The following SGCZ variants were observed in gnomAD, a reference collection of about 807,000 sequenced individuals.
SGCZ encodes the protein zeta-sarcoglycan.
SGCZ carries 40 observed loss-of-function variants against 41.3 expected under a neutral mutation model. The observed-to-expected ratio is 0.97, with a 90% CI of 0.75 to 1.26. SGCZ has a LOEUF of 1.26. Ranked by LOEUF, SGCZ falls within the 50% of genes most tolerant of loss-of-function variation. SGCZ has a pLI of 0.00. For missense variants in SGCZ, 552 were observed against 369.8 expected (o/e 1.49, Z -4.04); for synonymous variants, 206 against 137.5 (o/e 1.50, Z -3.49).
At chr8:14,767,940 T>C (rs1800096689) in intron 1 of SGCZ, among the ~76,000 whole-genome samples, 2 of 152,152 alleles carry the variant, frequency 1.3e-5, no homozygotes, top group South Asian at 2.1e-4. Context: ...CAAAAATAGA[T>C]AGCAACAGAA....
chr8:14,216,682 C>T (rs1032882245), intron 4 of SGCZ, among the ~76,000 whole-genome samples: 2 of 151,932 alleles, frequency 1.3e-5, no homozygotes, highest in Admixed American at 6.6e-5. Context: ...TAATGATGTT[C>T]AACACCCATT....
At chr8:14,525,621 T>C (rs1273694330) in intron 2 of SGCZ, among the ~76,000 whole-genome samples, 1 of 152,120 alleles carries the variant, frequency 6.6e-6, no homozygotes, top group Non-Finnish European at 1.5e-5. Context: ...TATATACTTC[T>C]TGACCTAGTC....
chr8:14,980,653 A>G (rs1364472598), intron 1 of SGCZ, among the ~76,000 whole-genome samples: 1 of 152,150 alleles, frequency 6.6e-6, no homozygotes, highest in Non-Finnish European at 1.5e-5. Context: ...CAGAAGCGGA[A>G]ACCCCTGATA....
At chr8:14,863,766 T>A (rs1390289725) in intron 1 of SGCZ, among the ~76,000 whole-genome samples, 2 of 152,166 alleles carry the variant, frequency 1.3e-5, no homozygotes, top group Admixed American at 6.5e-5. Context: ...CCTATCTCAG[T>A]GACATGGCTA....
At chr8:14,988,354 A>G (rs79308024) in intron 1 of SGCZ, among the ~76,000 whole-genome samples, 1 of 151,962 alleles carries the variant, frequency 6.6e-6, no homozygotes, top group Non-Finnish European at 1.5e-5. Flanking sequence ...TTTTTTTTTA[A>G]GATATACTAT....
chr8:14,541,884 A>T (rs1025532920), intron 2 of SGCZ, among the ~76,000 whole-genome samples: 1 of 152,142 alleles, frequency 6.6e-6, no homozygotes, highest in African/African-American at 2.4e-5. Context: ...ATGACCAGTG[A>T]TGATGAGCTT....
At chr8:14,970,525 T>C (rs1293158291) in intron 1 of SGCZ, among the ~76,000 whole-genome samples, 1 of 152,170 alleles carries the variant, frequency 6.6e-6, no homozygotes, top group Non-Finnish European at 1.5e-5. Flanking sequence ...TATTTGTATA[T>C]GAATAGCTAG....
intron 1 of SGCZ, among the ~76,000 whole-genome samples, chr8:14,556,604 C>T (rs1362965264): frequency 6.6e-6 from 1 of 151,986 alleles, no homozygotes; most frequent in Non-Finnish European, 1.5e-5. Flanking sequence ...CCATTTCCCC[C>T]TGAGTGCCCA....
intron 2 of SGCZ, among the ~76,000 whole-genome samples, chr8:14,370,160 A>C (rs1692236999): frequency 6.6e-6 from 1 of 151,946 alleles, no homozygotes; most frequent in Non-Finnish European, 1.5e-5. Context: ...AGGAGAAGAA[A>C]GGAGAGTTTT....
chr8:14,324,950 G>A (rs1802043016), intron 2 of SGCZ, among the ~76,000 whole-genome samples: 1 of 152,096 alleles, frequency 6.6e-6, no homozygotes, highest in Non-Finnish European at 1.5e-5. Flanking sequence ...AAACATTCTG[G>A]CAACATTTAG....
intron 1 of SGCZ, among the ~76,000 whole-genome samples, chr8:15,077,186 C>G (rs562500448): frequency 7.2e-5 from 11 of 152,226 alleles, no homozygotes; most frequent in African/African-American, 2.6e-4. Flanking sequence ...CTTGACCAAA[C>G]TCGACTTTAT....
chr8:14,875,197 C>A (rs942111997), intron 1 of SGCZ, among the ~76,000 whole-genome samples: 2 of 152,162 alleles, frequency 1.3e-5, no homozygotes, highest in Non-Finnish European at 2.9e-5. Context: ...GTTGCTACAT[C>A]ATCCAGAGGA....
chr8:14,366,757 C>G (rs1467216309), intron 2 of SGCZ, among the ~76,000 whole-genome samples: 1 of 152,110 alleles, frequency 6.6e-6, no homozygotes, highest in African/African-American at 2.4e-5. Context: ...AGAGTAAAGA[C>G]AAGGCAAGTC....
chr8:14,776,797 C>A (rs181938133), intron 1 of SGCZ, among the ~76,000 whole-genome samples: 2 of 152,084 alleles, frequency 1.3e-5, no homozygotes, highest in East Asian at 1.9e-4. Context: ...CCAGCCCAGA[C>A]TAATACACTT....
intron 2 of SGCZ, among the ~76,000 whole-genome samples, chr8:14,528,849 CA>C (rs1563388670): frequency 1.5e-5 from 2 of 130,384 alleles, no homozygotes; most frequent in African/African-American, 6.8e-5. Flanking sequence ...AAAACAAAAA[CA>C]AAAAAAGAGA....
chr8:14,255,232 T>C (rs907671190), intron 3 of SGCZ, among the ~76,000 whole-genome samples: 2 of 152,166 alleles, frequency 1.3e-5, no homozygotes, highest in African/African-American at 4.8e-5. Context: ...CCAGTCATAA[T>C]TGTTGGTAAT....
intron 1 of SGCZ, among the ~76,000 whole-genome samples, chr8:14,588,453 C>T (rs1805133144): frequency 6.6e-6 from 1 of 151,854 alleles, no homozygotes; most frequent in South Asian, 2.1e-4. Flanking sequence ...TCAGTGAATA[C>T]ATTAATAATC....
At chr8:14,555,091 C>T (rs999470596) in intron 1 of SGCZ, among the ~76,000 whole-genome samples, 165 bp from the exon 2 acceptor site, 5 of 151,910 alleles carry the variant, frequency 3.3e-5, no homozygotes, top group Admixed American at 1.3e-4. Flanking sequence ...TAGAAAACTT[C>T]GAATCATTTT....
intron 1 of SGCZ, among the ~76,000 whole-genome samples, chr8:14,782,064 T>C (rs1458668985): frequency 6.6e-6 from 1 of 152,172 alleles, no homozygotes; most frequent in East Asian, 1.9e-4. Flanking sequence ...ACTTGTACAA[T>C]GTCCTTTTGA....
Sources: gnomAD v4.1 joint callset for allele counts (sites outside exome capture counted in the v4.1 genomes callset) on GRCh38, gnomAD v4.1.1 for gene constraint, MANE v1.5 for transcripts, NCBI Gene and HGNC (gene_info 2026-07-23, HGNC 2026-07-21) for gene names.